Variants in STARD13 observed in about 807,000 individuals in gnomAD.
The protein encoded by STARD13 is stAR-related lipid transfer protein 13.
STARD13 carries 62 observed loss-of-function variants against 106.4 expected under a neutral mutation model. That is an observed-to-expected ratio of 0.58 (90% CI 0.48 to 0.72). The LOEUF (loss-of-function observed/expected upper bound fraction) is 0.72, where lower values mean the gene tolerates loss of function less well. STARD13 is among the 30% of genes least tolerant of loss of function. The probability of loss-of-function intolerance (pLI) is 0.00; values close to 1 mark genes in which losing one functional copy is unlikely to be tolerated. For missense variants in STARD13, 1,387 were observed against 1,424.0 expected (o/e 0.97, Z 0.42); for synonymous variants, 565 against 553.0 (o/e 1.02, Z -0.31).
the STARD13 span, among the ~76,000 whole-genome samples, chr13:33,529,533 T>G: frequency 6.6e-6 from 1 of 152,178 alleles, no homozygotes; most frequent in Non-Finnish European, 1.5e-5. Context: ...ATATGCCAAG[T>G]GTTGTCCCAG....
chr13:33,118,786 G>T (rs1422107010), intron 7 of STARD13, among the ~76,000 whole-genome samples: 1 of 152,200 alleles, frequency 6.6e-6, no homozygotes, highest in African/African-American at 2.4e-5. Context: ...CTGCAGGGGA[G>T]AGTTTTATGG....
chr13:33,495,204 C>A, the STARD13 span, among the ~76,000 whole-genome samples: 1 of 152,176 alleles, frequency 6.6e-6, no homozygotes, highest in Non-Finnish European at 1.5e-5. Context: ...CAATTTCATC[C>A]ATTCTTGTGA....
At chr13:33,452,050 C>T in the STARD13 span, among the ~76,000 whole-genome samples, 1 of 152,104 alleles carries the variant, frequency 6.6e-6, no homozygotes, top group African/African-American at 2.4e-5. Context: ...TTAGGAGGTA[C>T]CTTGATGAAG....
the STARD13 span, among the ~76,000 whole-genome samples, chr13:33,454,117 C>T: frequency 6.6e-6 from 1 of 152,302 alleles, no homozygotes; most frequent in Non-Finnish European, 1.5e-5. Context: ...GGTGCTTCTG[C>T]CTCTGTCAAT....
At chr13:33,527,805 G>A in the STARD13 span, among the ~76,000 whole-genome samples, 24 of 151,574 alleles carry the variant, frequency 1.6e-4, no homozygotes, top group African/African-American at 5.8e-4. Flanking sequence ...GATTTGCAAA[G>A]AAGAATCTTA....
the STARD13 span, among the ~76,000 whole-genome samples, chr13:33,619,178 G>C: frequency 9.9e-5 from 15 of 152,132 alleles, no homozygotes; most frequent in Admixed American, 9.8e-4. Context: ...CCTCAGATAA[G>C]GGACCTAACT....
At chr13:33,381,613 G>T in the STARD13 span, among the ~76,000 whole-genome samples, 8 of 151,984 alleles carry the variant, frequency 5.3e-5, no homozygotes, top group African/African-American at 1.9e-4. Flanking sequence ...GGTGGCAGGC[G>T]CCTGTAATCT....
intron 1 of STARD13, among the ~76,000 whole-genome samples, chr13:33,207,921 CA>C: frequency 6.6e-6 from 1 of 152,304 alleles, no homozygotes; most frequent in Middle Eastern, 3.4e-3. Context: ...CCCTGCCTGG[CA>C]CCTCACTGCC....
chr13:33,622,786 GGC>G, the STARD13 span, among the ~76,000 whole-genome samples: 3 of 151,088 alleles, frequency 2.0e-5, no homozygotes, highest in Non-Finnish European at 4.4e-5. Flanking sequence ...CGGGCGTGGT[GGC>G]GCATGCCTGT....
intron 1 of STARD13, among the ~76,000 whole-genome samples, chr13:33,262,641 C>G (rs867882879): frequency 1.7e-4 from 23 of 134,702 alleles, no homozygotes; most frequent in Middle Eastern, 7.7e-3. Context: ...ACCCAGAACC[C>G]CCCCCCCCAC....
intron 1 of STARD13, among the ~76,000 whole-genome samples, chr13:33,236,324 C>T (rs911356853): frequency 6.6e-6 from 1 of 152,190 alleles, no homozygotes; most frequent in East Asian, 1.9e-4. Flanking sequence ...GGACCCTCCT[C>T]AAACGCCTTG....
chr13:33,528,243 C>CATATATATGTATATATATATATAT, the STARD13 span, among the ~76,000 whole-genome samples: 1 of 93,484 alleles, frequency 1.1e-5, no homozygotes, highest in Non-Finnish European at 2.0e-5. Flanking sequence ...TATATATATA[C>CATATATATGTATATATATATATAT]ATATATATAT....
intron 1 of STARD13, among the ~76,000 whole-genome samples, chr13:33,205,581 T>C (rs1358969275): frequency 1.3e-5 from 2 of 152,206 alleles, no homozygotes; most frequent in Non-Finnish European, 2.9e-5. Flanking sequence ...CTCTCTGAGA[T>C]TAAATAAAAG....
At chr13:33,252,344 T>C (rs924634623) in intron 1 of STARD13, among the ~76,000 whole-genome samples, 1 of 152,216 alleles carries the variant, frequency 6.6e-6, no homozygotes, top group African/African-American at 2.4e-5. Context: ...GGAGCAGTGA[T>C]AACAGAGTGC....
chr13:33,487,620 G>A, the STARD13 span, among the ~76,000 whole-genome samples: 5 of 152,138 alleles, frequency 3.3e-5, no homozygotes, highest in Non-Finnish European at 7.4e-5. Flanking sequence ...TCATTAGAAA[G>A]CTTTTAATTT....
intron 4 of STARD13, among the ~76,000 whole-genome samples, chr13:33,131,644 A>G (rs1170512147): frequency 2.0e-5 from 3 of 152,186 alleles, no homozygotes; most frequent in Non-Finnish European, 4.4e-5. Flanking sequence ...AAACATATTT[A>G]TTCATATGTA....
the STARD13 span, among the ~76,000 whole-genome samples, chr13:33,416,495 A>T: frequency 6.6e-6 from 1 of 152,228 alleles, no homozygotes; most frequent in African/African-American, 2.4e-5. Context: ...GTGAGGATGT[A>T]GTCTGTAGTT....
chr13:33,129,667 T>A lies in STARD13; in HGVS notation c.1010A>T (p.Glu337Val), dbSNP rs757499533. 1.2e-6 allele frequency: 2 copies of A among 1,614,036 alleles called. No individual in the cohort carries two copies. Among genetic ancestry groups the A allele is most frequent in the Non-Finnish European group, 1.7e-6 (2 of 1,180,024 alleles). ...GKSSGESSPS[E>V]HSSSGVSTPC... Reference sequence around the variant, plus strand: ...CGTGCTCACCCCGCTGCTGCTGTGCTCCGACGGGCTGCTCTCGCCACTCGA... The same window carrying A: ...CGTGCTCACCCCGCTGCTGCTGTGCACCGACGGGCTGCTCTCGCCACTCGA... The change falls in exon 5 of 14, where the codon GAG becomes GTG. Residue 337 changes from glutamate to valine, a missense_variant. Transcript: ENST00000336934.
chr13:33,410,709 TCA>T, the STARD13 span, among the ~76,000 whole-genome samples: 2 of 152,202 alleles, frequency 1.3e-5, no homozygotes, highest in Non-Finnish European at 2.9e-5. Flanking sequence ...TAAGCGCTCC[TCA>T]CACAGTATGG....
Sources: allele counts gnomAD v4.1 joint callset (sites outside exome capture counted in the v4.1 genomes callset), GRCh38; gene constraint gnomAD v4.1.1; transcripts MANE v1.5; gene names NCBI Gene and HGNC (gene_info 2026-07-23, HGNC 2026-07-21).